PRPF39: variants seen among roughly 807,000 people sequenced by gnomAD.
The protein encoded by PRPF39 is pre-mRNA processing factor 39.
Under a neutral mutation model 82.1 loss-of-function variants are expected in PRPF39, and 27 were observed. That is an observed-to-expected ratio of 0.33 (90% CI 0.24 to 0.45). The LOEUF (loss-of-function observed/expected upper bound fraction) is 0.45, where lower values mean the gene tolerates loss of function less well. PRPF39 is among the 20% of genes least tolerant of loss of function. The pLI is 1.00. For synonymous variants in PRPF39, 261 were observed against 256.4 expected, an observed-to-expected ratio of 1.02 and a Z score of -0.17; for missense variants, 581 against 796.9, an observed-to-expected ratio of 0.73 and a Z score of 3.26.
At chr14:45,109,834 G>A in intron 8 of PRPF39, 54 bp downstream of exon 8, 4 of 1,531,862 alleles carry the variant, frequency 2.6e-6, no homozygotes, top group Non-Finnish European at 3.5e-6. Context: ...TTGATCTAGT[G>A]ACTAACCTTT....
At chr14:45,105,947 T>C (rs571602500) in intron 5 of PRPF39, among the ~76,000 whole-genome samples, 5 of 152,346 alleles carry the variant, frequency 3.3e-5, no homozygotes, top group Non-Finnish European at 5.9e-5. Flanking sequence ...GTGATGAACA[T>C]GTATTTAAAA....
intron 4 of PRPF39, among the ~76,000 whole-genome samples, chr14:45,100,215 G>T (rs1884330477): frequency 6.6e-6 from 1 of 151,900 alleles, no homozygotes; most frequent in East Asian, 1.9e-4. Flanking sequence ...GGGTGACAGA[G>T]CGAGACCCTG....
chr14:45,098,124 C>G (rs1884257864), intron 4 of PRPF39, among the ~76,000 whole-genome samples: 2 of 151,838 alleles, frequency 1.3e-5, no homozygotes, highest in Non-Finnish European at 1.5e-5. Flanking sequence ...ATTGTAAATC[C>G]ATAAATAAGG....
intron 1 of PRPF39, among the ~76,000 whole-genome samples, chr14:45,093,638 C>T (rs1246504494): frequency 6.6e-6 from 1 of 151,986 alleles, no homozygotes; most frequent in Admixed American, 6.6e-5. Context: ...TCACTGTACC[C>T]TCCTCCTCCC....
intron 11 of PRPF39, among the ~76,000 whole-genome samples, chr14:45,112,893 T>C (rs1884734752): frequency 6.6e-6 from 1 of 152,156 alleles, no homozygotes; most frequent in African/African-American, 2.4e-5. Context: ...TTTTCTGAGA[T>C]TGGAGAAGAG....
At position 45,110,843 on chromosome 14, in the gene PRPF39, T is replaced by C; in HGVS notation, c.1572+26T>C. The C allele has an allele frequency of 6.6e-7, 1 of 1,523,422 alleles. No homozygotes were observed. 94.4% of individuals were successfully genotyped at this position (1,523,422 alleles called of 1,614,324 possible). On this transcript the variant is annotated intron_variant, in intron 10 of 13. Coordinates refer to ENST00000355765, the MANE Select transcript of PRPF39 (RefSeq NM_017922.4). The surrounding 1 kb of genome is among the most constrained non-coding windows in gnomAD (Gnocchi z 4.0). ...GTATGCATTTGTATTTTTAAGAGTA[T>C]CTTCTATTAAAAAAACCAGTGGTCA...
intron 5 of PRPF39, 96 bp from the exon 6 acceptor site, chr14:45,107,355 A>G: frequency 2.0e-6 from 2 of 986,386 alleles, no homozygotes; most frequent in South Asian, 4.0e-5. Flanking sequence ...TTCTTTTTTA[A>G]ATCAAATCCT....
In PRPF39 at chr14:45,115,029, T is replaced by G; in HGVS notation, c.*116T>G. On this transcript the variant is annotated 3_prime_UTR_variant, in exon 14 of 14. Coordinates refer to ENST00000355765, the MANE Select transcript of PRPF39 (RefSeq NM_017922.4). ...TATTTGATAACCTGTCTTCCTTGTT[T>G]CTGTGTAACATGATTTGTTTAGTAA... 2 of 754,962 alleles carry G rather than the reference T, an allele frequency of 2.6e-6. No homozygotes were observed. The highest frequency in any genetic ancestry group is 3.5e-5 in the African/African-American group (2 of 57,158). 46.8% of individuals were successfully genotyped at this position (754,962 alleles called of 1,614,324 possible).
intron 1 of PRPF39, among the ~76,000 whole-genome samples, chr14:45,094,809 T>G (rs867797724): frequency 2.5e-4 from 38 of 152,338 alleles, no homozygotes; most frequent in African/African-American, 9.1e-4. Flanking sequence ...AGTTTTACTT[T>G]TAGCCTCCAG....
chr14:45,104,333 T>C (rs1040096377), intron 5 of PRPF39, among the ~76,000 whole-genome samples: 1 of 152,240 alleles, frequency 6.6e-6, no homozygotes, highest in Non-Finnish European at 1.5e-5. Flanking sequence ...ACTTTCCTTA[T>C]CAGTTATAGT....
At chr14:45,084,683 C>T (rs552802057) in intron 1 of PRPF39, among the ~76,000 whole-genome samples, 4 of 152,226 alleles carry the variant, frequency 2.6e-5, no homozygotes, top group Non-Finnish European at 4.4e-5. Context: ...TTGTAGGGCA[C>T]GTTCTGTCTT....
intron 5 of PRPF39, among the ~76,000 whole-genome samples, chr14:45,106,515 A>T (rs1271177981): frequency 6.6e-6 from 1 of 152,224 alleles, no homozygotes; most frequent in East Asian, 1.9e-4. Flanking sequence ...ATTTGTATGT[A>T]TACAAATTAT....
At chr14:45,101,700 A>C (rs922972633) in intron 4 of PRPF39, among the ~76,000 whole-genome samples, 1 of 151,972 alleles carries the variant, frequency 6.6e-6, no homozygotes, top group South Asian at 2.1e-4. Flanking sequence ...TCCTGGCCTC[A>C]TGTGCTGGAA....
intron 1 of PRPF39, among the ~76,000 whole-genome samples, chr14:45,089,600 A>C (rs1883955832): frequency 6.6e-6 from 1 of 151,860 alleles, no homozygotes; most frequent in Admixed American, 6.6e-5. Context: ...TTTTGTAGAG[A>C]ATGGTTTTTG....
intron 5 of PRPF39, among the ~76,000 whole-genome samples, chr14:45,103,319 T>A (rs149675344): frequency 6.6e-6 from 1 of 152,134 alleles, no homozygotes; most frequent in Non-Finnish European, 1.5e-5. Flanking sequence ...ATTCAGAGTA[T>A]CCCATAAATA....
chr14:45,110,920 G>C lies in PRPF39; in HGVS notation c.1572+103G>C. 1 of 1,116,594 alleles carries C rather than the reference G, an allele frequency of 9.0e-7. No individual in the cohort carries two copies. Among genetic ancestry groups the C allele is most frequent in the Non-Finnish European group, 1.2e-6 (1 of 802,188 alleles). The allele number at this position is 1,116,594 out of a possible 1,614,324, so 69.2% of individuals were successfully genotyped here. A position where few individuals can be genotyped will look rare whatever the true frequency, so the allele number is the denominator to read the frequency against. On this transcript the variant is annotated intron_variant, in intron 10 of 13. Transcript: ENST00000355765. This position sits in a 1 kb window ranked among gnomAD's most constrained non-coding sequence, Gnocchi z 4.0. ...TGAAAGATTTGGTCTGTATGTAATAGATTTTATTACTAAATGAGGACAACA... is the reference window on the plus strand; with the variant it reads ...TGAAAGATTTGGTCTGTATGTAATACATTTTATTACTAAATGAGGACAACA...
chr14:45,114,829 T>C (rs1177538177), intron 13 of PRPF39, 28 bp from the exon 14 acceptor site: 3 of 1,553,228 alleles, frequency 1.9e-6, no homozygotes, highest in East Asian at 2.2e-5. Context: ...AGTTCTAATA[T>C]GCTAACATAC....
chr14:45,106,061 T>C (rs1387904357), intron 5 of PRPF39, among the ~76,000 whole-genome samples: 1 of 151,906 alleles, frequency 6.6e-6, no homozygotes, highest in African/African-American at 2.4e-5. Context: ...TTAGAAATGC[T>C]GAGGGTGGCG....
intron 6 of PRPF39, among the ~76,000 whole-genome samples, 176 bp downstream of exon 6, chr14:45,107,792 G>A (rs1884581726): frequency 6.6e-6 from 1 of 152,144 alleles, no homozygotes; most frequent in Admixed American, 6.5e-5. Flanking sequence ...AGCCAGGTGT[G>A]GTGGCACATG....
Sources: allele counts gnomAD v4.1 joint callset (sites outside exome capture counted in the v4.1 genomes callset), GRCh38; gene constraint gnomAD v4.1.1; non-coding constraint Gnocchi (gnomAD v3.1); transcripts MANE v1.5; gene names NCBI Gene and HGNC (gene_info 2026-07-23, HGNC 2026-07-21).